Variants in SPATA16 observed in about 807,000 individuals in gnomAD.
SPATA16 encodes the protein spermatogenesis-associated protein 16.
Under a neutral mutation model 63.3 loss-of-function variants are expected in SPATA16, and 36 were observed. That is an observed-to-expected ratio of 0.57 (90% CI 0.44 to 0.75). The LOEUF (loss-of-function observed/expected upper bound fraction) is 0.75. Among genes scored for constraint, SPATA16 ranks in the 30% least tolerant of loss-of-function variants. The probability of loss-of-function intolerance (pLI) is 0.00; values close to 1 mark genes in which losing one functional copy is unlikely to be tolerated. For missense variants in SPATA16, 646 were observed against 679.3 expected (o/e 0.95, Z 0.54); for synonymous variants, 203 against 216.7 (o/e 0.94, Z 0.56).
chr3:172,923,332 C>T (rs936807898), intron 8 of SPATA16, among the ~76,000 whole-genome samples: 1 of 152,146 alleles, frequency 6.6e-6, no homozygotes, highest in African/African-American at 2.4e-5. Context: ...GCAAATCGTG[C>T]AAACAGATTA....
intron 8 of SPATA16, among the ~76,000 whole-genome samples, chr3:172,919,262 T>C (rs908065986): frequency 6.6e-6 from 1 of 152,166 alleles, no homozygotes; most frequent in African/African-American, 2.4e-5. Flanking sequence ...AATGGAAAAG[T>C]ATAGTGCCAT....
At chr3:172,975,270 C>T (rs1436428042) in intron 5 of SPATA16, among the ~76,000 whole-genome samples, 2 of 152,102 alleles carry the variant, frequency 1.3e-5, no homozygotes, top group Non-Finnish European at 2.9e-5. Flanking sequence ...TACGAAACTT[C>T]CAAGGTCTTA....
intron 4 of SPATA16, among the ~76,000 whole-genome samples, chr3:172,993,425 T>C (rs1734627080): frequency 6.6e-6 from 1 of 152,066 alleles, no homozygotes. Context: ...TGGGTGGTCC[T>C]CTAAGCCTTC....
At chr3:173,106,695 C>G (rs1322582516) in intron 2 of SPATA16, among the ~76,000 whole-genome samples, 1 of 152,128 alleles carries the variant, frequency 6.6e-6, no homozygotes, top group Non-Finnish European at 1.5e-5. Flanking sequence ...ATGTCTTTCT[C>G]TGGCTTGCTC....
chr3:173,014,587 T>A (rs542088163), intron 4 of SPATA16, among the ~76,000 whole-genome samples: 1 of 152,310 alleles, frequency 6.6e-6, no homozygotes, highest in East Asian at 1.9e-4. Context: ...GAATCTAAAA[T>A]GAAAGTTGAA....
chr3:172,975,583 A>C (rs1734138174), intron 5 of SPATA16, among the ~76,000 whole-genome samples: 1 of 152,130 alleles, frequency 6.6e-6, no homozygotes, highest in Non-Finnish European at 1.5e-5. Flanking sequence ...ACGACTATTT[A>C]GTTACATGTT....
intron 5 of SPATA16, among the ~76,000 whole-genome samples, chr3:172,975,878 A>G (rs1238873899): frequency 6.6e-6 from 1 of 152,060 alleles, no homozygotes; most frequent in Non-Finnish European, 1.5e-5. Flanking sequence ...TATAATATAG[A>G]GAGACAAAAA....
chr3:172,981,039 A>T (rs1208554783), intron 4 of SPATA16, among the ~76,000 whole-genome samples: 1 of 152,042 alleles, frequency 6.6e-6, no homozygotes, highest in Non-Finnish European at 1.5e-5. Context: ...TTCAATTTTC[A>T]GTCTTCATTT....
chr3:173,089,899 T>C (rs1420661563), intron 2 of SPATA16, among the ~76,000 whole-genome samples: 1 of 152,194 alleles, frequency 6.6e-6, no homozygotes, highest in Non-Finnish European at 1.5e-5. Context: ...GAATTCTGAC[T>C]TGAGCGTGTT....
At chr3:173,140,085 A>T (rs572309207) in intron 1 of SPATA16, among the ~76,000 whole-genome samples, 58 of 152,332 alleles carry the variant, frequency 3.8e-4, no homozygotes, top group African/African-American at 1.3e-3. Context: ...TGTATCTCAC[A>T]GTTCATGCTC....
intron 6 of SPATA16, among the ~76,000 whole-genome samples, chr3:172,925,971 G>A (rs752214705): frequency 6.6e-5 from 10 of 151,804 alleles, no homozygotes; most frequent in Non-Finnish European, 1.0e-4. Flanking sequence ...GATTACAGGC[G>A]CCCGCCACCG....
chr3:172,904,413 A>ATT (rs888076292), intron 10 of SPATA16, among the ~76,000 whole-genome samples: 1 of 152,170 alleles, frequency 6.6e-6, no homozygotes, highest in Non-Finnish European at 1.5e-5. Flanking sequence ...CCCTTGATAA[A>ATT]TTCTTGTTTA....
intron 4 of SPATA16, among the ~76,000 whole-genome samples, chr3:172,992,750 C>T (rs1194493679): frequency 6.6e-6 from 1 of 152,066 alleles, no homozygotes; most frequent in African/African-American, 2.4e-5. Flanking sequence ...AAGGCCCTGC[C>T]CAAATGGGAT....
At chr3:173,028,329 T>C (rs1471279261) in intron 3 of SPATA16, among the ~76,000 whole-genome samples, 1 of 151,848 alleles carries the variant, frequency 6.6e-6, no homozygotes, top group Non-Finnish European at 1.5e-5. Context: ...ACATTTATGC[T>C]GGATAATAGC....
intron 2 of SPATA16, among the ~76,000 whole-genome samples, chr3:173,095,178 A>C (rs73880436): frequency 0.034 from 5,174 of 152,190 alleles, 309 homozygotes; most frequent in African/African-American, 0.12. Context: ...CTAATGGTCG[A>C]CCTACTTCTT....
intron 10 of SPATA16, among the ~76,000 whole-genome samples, chr3:172,890,375 A>G (rs1731868794): frequency 6.6e-6 from 1 of 152,206 alleles, no homozygotes; most frequent in Non-Finnish European, 1.5e-5. Context: ...ACTATAGAAT[A>G]AAAGTTTACA....
At chr3:173,130,386 A>T (rs898497869) in intron 1 of SPATA16, among the ~76,000 whole-genome samples, 9 of 151,242 alleles carry the variant, frequency 6.0e-5, no homozygotes, top group African/African-American at 2.2e-4. Context: ...AAAAAAAAGA[A>T]ATTCTATAAT....
intron 5 of SPATA16, among the ~76,000 whole-genome samples, chr3:172,959,104 T>TAA (rs1733675744): frequency 2.8e-4 from 6 of 21,192 alleles, no homozygotes; most frequent in Admixed American, 2.6e-3. Context: ...AGCAAAGGTA[T>TAA]AATCCTCCAG....
intron 10 of SPATA16, among the ~76,000 whole-genome samples, chr3:172,906,363 G>C (rs1012861190): frequency 5.3e-5 from 8 of 152,166 alleles, no homozygotes; most frequent in African/African-American, 1.9e-4. Context: ...ATTCTTTCTG[G>C]ATATAGATGG....
Sources: allele counts gnomAD v4.1 joint callset (sites outside exome capture counted in the v4.1 genomes callset), GRCh38; gene constraint gnomAD v4.1.1; transcripts MANE v1.5; gene names NCBI Gene and HGNC (gene_info 2026-07-23, HGNC 2026-07-21).